Variants in LINGO2 observed in about 807,000 individuals in gnomAD.
LINGO2 encodes the protein leucine rich repeat and Ig domain containing 2.
A neutral mutation model predicts 30.6 loss-of-function variants in LINGO2; 14 were observed. The observed-to-expected ratio is 0.46, with a 90% confidence interval of 0.30 to 0.72. The LOEUF (loss-of-function observed/expected upper bound fraction) is 0.72, where lower values mean the gene tolerates loss of function less well. Ranked by LOEUF, LINGO2 falls within the 30% of genes least tolerant of loss-of-function variation. LINGO2 has a pLI of 0.07. For missense variants in LINGO2, 729 were observed against 751.7 expected, an observed-to-expected ratio of 0.97 and a Z score of 0.35; for synonymous variants, 317 against 288.5, an observed-to-expected ratio of 1.10 and a Z score of -1.00.
intron 1 of LINGO2, among the ~76,000 whole-genome samples, chr9:28,641,916 T>G (rs541345675): frequency 6.6e-6 from 1 of 152,076 alleles, no homozygotes; most frequent in African/African-American, 2.4e-5. Flanking sequence ...CTGTTCTCAG[T>G]TCCAGAATGT....
At chr9:28,234,294 T>C (rs1821478064) in intron 4 of LINGO2, among the ~76,000 whole-genome samples, 2 of 152,252 alleles carry the variant, frequency 1.3e-5, no homozygotes, top group South Asian at 2.1e-4. Flanking sequence ...AGCAGTGGCA[T>C]GGCAGAACCC....
intron 4 of LINGO2, among the ~76,000 whole-genome samples, chr9:28,022,390 C>T (rs1475242571): frequency 1.3e-5 from 2 of 151,958 alleles, no homozygotes; most frequent in African/African-American, 4.8e-5. Context: ...TTTATCCTTC[C>T]TTATTCCTTC....
chr9:28,398,116 T>A (rs12554721), intron 2 of LINGO2, among the ~76,000 whole-genome samples: 3,077 of 152,268 alleles, frequency 0.02, 45 homozygotes, highest in East Asian at 0.044. Context: ...TCAGTCAGTG[T>A]TATGATTACC....
chr9:28,520,700 G>A (rs1820797132), intron 1 of LINGO2, among the ~76,000 whole-genome samples: 2 of 152,082 alleles, frequency 1.3e-5, no homozygotes, highest in Non-Finnish European at 2.9e-5. Flanking sequence ...ATAAATTATT[G>A]CATTCCACCA....
the LINGO2 span, among the ~76,000 whole-genome samples, chr9:29,093,468 A>G: frequency 7.4e-6 from 1 of 135,130 alleles, no homozygotes; most frequent in African/African-American, 2.8e-5. Context: ...ACACTTTCCC[A>G]TATACTATCC....
intron 3 of LINGO2, among the ~76,000 whole-genome samples, chr9:28,297,191 C>T (rs759194648): frequency 6.6e-6 from 1 of 152,100 alleles, no homozygotes; most frequent in African/African-American, 2.4e-5. Context: ...GGTTCTGCCA[C>T]TTATTATAAA....
intron 5 of LINGO2, among the ~76,000 whole-genome samples, chr9:28,005,339 T>C (rs1822208770): frequency 6.6e-6 from 1 of 152,196 alleles, no homozygotes; most frequent in South Asian, 2.1e-4. Context: ...TTAACTGCTC[T>C]GGTGAGGATA....
At chr9:28,235,130 G>A (rs1194016239) in intron 4 of LINGO2, among the ~76,000 whole-genome samples, 1 of 152,152 alleles carries the variant, frequency 6.6e-6, no homozygotes, top group Non-Finnish European at 1.5e-5. Context: ...GGCCACAAGG[G>A]TGCTTACATC....
At chr9:28,300,111 C>A (rs1824080282) in intron 3 of LINGO2, among the ~76,000 whole-genome samples, 1 of 129,320 alleles carries the variant, frequency 7.7e-6, no homozygotes, top group African/African-American at 3.0e-5. Flanking sequence ...CTTTCTCTCT[C>A]TCATTTTTCT....
chr9:28,877,599 C>G, the LINGO2 span, among the ~76,000 whole-genome samples: 3 of 152,090 alleles, frequency 2.0e-5, no homozygotes, highest in African/African-American at 7.2e-5. Context: ...CTGTTCTGTT[C>G]CATTGATCTA....
chr9:28,299,560 T>C (rs956257824), intron 3 of LINGO2, among the ~76,000 whole-genome samples: 1 of 152,114 alleles, frequency 6.6e-6, no homozygotes, highest in South Asian at 2.1e-4. Context: ...CTATCTATTT[T>C]ATATGTAGTT....
the LINGO2 span, among the ~76,000 whole-genome samples, chr9:28,862,856 A>C: frequency 6.6e-6 from 1 of 152,100 alleles, no homozygotes; most frequent in Non-Finnish European, 1.5e-5. Flanking sequence ...TTAATCATCA[A>C]TTGTTTGATT....
chr9:28,974,414 AC>A, the LINGO2 span, among the ~76,000 whole-genome samples: 1 of 152,174 alleles, frequency 6.6e-6, no homozygotes, highest in Admixed American at 6.5e-5. Context: ...TCAAAAACAA[AC>A]AAAAAAAAGA....
chr9:28,782,524 C>T, the LINGO2 span, among the ~76,000 whole-genome samples: 1 of 151,868 alleles, frequency 6.6e-6, no homozygotes, highest in African/African-American at 2.4e-5. Flanking sequence ...CAGTATGTGC[C>T]ACATTAACTA....
At chr9:28,961,511 T>C in the LINGO2 span, among the ~76,000 whole-genome samples, 41 of 152,136 alleles carry the variant, frequency 2.7e-4, no homozygotes, top group African/African-American at 9.9e-4. Context: ...GAAGATAGGA[T>C]ATGCACTTAA....
chr9:28,397,737 CG>C (rs1337308190), intron 2 of LINGO2, among the ~76,000 whole-genome samples: 1 of 151,642 alleles, frequency 6.6e-6, no homozygotes, highest in African/African-American at 2.4e-5. Context: ...TTAGTAGAGA[CG>C]GGGTTTCACT....
intron 4 of LINGO2, among the ~76,000 whole-genome samples, chr9:28,168,248 T>C (rs763393307): frequency 4.6e-5 from 7 of 152,208 alleles, no homozygotes; most frequent in African/African-American, 7.2e-5. Context: ...ATACAGTTTT[T>C]GATTAAGCCA....
chr9:28,691,390 C>T, the LINGO2 span, among the ~76,000 whole-genome samples: 1 of 152,258 alleles, frequency 6.6e-6, no homozygotes, highest in South Asian at 2.1e-4. Flanking sequence ...AGAATGTAGA[C>T]TTTTTCATTT....
chr9:28,878,932 C>G, the LINGO2 span, among the ~76,000 whole-genome samples: 2 of 152,118 alleles, frequency 1.3e-5, no homozygotes, highest in African/African-American at 4.8e-5. Context: ...TGGCACAAGA[C>G]AGGGATGCCC....
Sources: allele counts gnomAD v4.1 joint callset (sites outside exome capture counted in the v4.1 genomes callset), GRCh38; gene constraint gnomAD v4.1.1; transcripts MANE v1.5; gene names NCBI Gene and HGNC (gene_info 2026-07-23, HGNC 2026-07-21).